Variants in KIAA1671 observed in about 807,000 individuals in gnomAD.
KIAA1671 encodes KIAA1671.
Under a neutral mutation model 131.2 loss-of-function variants are expected in KIAA1671, and 52 were observed. The ratio of observed to expected loss-of-function variants is 0.40; its 90% CI spans 0.32 to 0.50. KIAA1671 has a LOEUF of 0.50. Among genes scored for constraint, KIAA1671 ranks in the 20% least tolerant of loss-of-function variants. The pLI is 0.73. For missense variants in KIAA1671, 2,360 were observed against 2,364.2 expected, an observed-to-expected ratio of 1.00 and a Z score of 0.04; for synonymous variants, 1,003 against 961.6, an observed-to-expected ratio of 1.04 and a Z score of -0.80.
chr22:25,000,492 C>CT lies in KIAA1671; in HGVS notation c.-207-25123dup, dbSNP rs932233451. ...ACAGGCGTGAGCCACCGCGCCCGGCCTTTTTTTTTTTTTTTTTTAAATGTA... is the reference window on the plus strand; with the variant it reads ...ACAGGCGTGAGCCACCGCGCCCGGCCTTTTTTTTTTTTTTTTTTTAAATGTA... On this transcript the variant is annotated intron_variant, in intron 1 of 12. Coordinates refer to ENST00000358431, the MANE Select transcript of KIAA1671 (RefSeq NM_001145206.2). 5.0e-3 allele frequency among the ~76,000 whole-genome samples: 250 copies of CT among 49,650 alleles called. 39 individuals carry two copies. In the East Asian group the frequency reaches 0.066, roughly 13 times the overall value. 32.6% of individuals were successfully genotyped at this position (49,650 alleles called of 152,430 possible).
intron 1 of KIAA1671, among the ~76,000 whole-genome samples, chr22:24,994,397 C>T (rs796482443): frequency 3.9e-5 from 6 of 152,286 alleles, no homozygotes; most frequent in African/African-American, 1.4e-4. Flanking sequence ...TGGGGCTCAG[C>T]TGTGCTGGGG....
At position 25,080,390 on chromosome 22, in the gene KIAA1671, A is replaced by G. The variant is rs114105456; in HGVS notation, c.4530+31026A>G. On this transcript the variant is annotated intron_variant, in intron 6 of 12. Coordinates refer to ENST00000358431, the MANE Select transcript of KIAA1671 (RefSeq NM_001145206.2). ...TGTGAGATTCCTCAGCCCCTTGGAA[A>G]ATCCTCACCATTTCTGAGCTACAGG... Among the ~76,000 whole-genome samples the G allele has an allele frequency of 2.8e-3, 432 of 152,220 alleles. 4 individuals carry two copies. The highest frequency in any genetic ancestry group is 9.7e-3 in the African/African-American group (402 of 41,524).
At chr22:24,997,933 T>C (rs1278399712) in intron 1 of KIAA1671, among the ~76,000 whole-genome samples, 2 of 152,214 alleles carry the variant, frequency 1.3e-5, no homozygotes, top group Non-Finnish European at 2.9e-5. Flanking sequence ...ATATAAATTT[T>C]GCCTGAATTT....
intron 1 of KIAA1671, among the ~76,000 whole-genome samples, chr22:24,985,390 A>C (rs1025033037): frequency 8.0e-5 from 12 of 149,930 alleles, no homozygotes; most frequent in Non-Finnish European, 1.5e-4. Context: ...CCCAGGCTGG[A>C]GTGCAGTGGT....
intron 1 of KIAA1671, among the ~76,000 whole-genome samples, chr22:25,003,400 A>ATTTTTTTTTTTTTT (rs71191013): frequency 1.8e-5 from 2 of 113,844 alleles, no homozygotes; most frequent in African/African-American, 4.2e-5. Flanking sequence ...ACTTGGAGAG[A>ATTTTTTTTTTTTTT]TTTTTTTTTT....
At chr22:25,042,706 C>G (rs1927008137) in intron 5 of KIAA1671, among the ~76,000 whole-genome samples, 1 of 151,940 alleles carries the variant, frequency 6.6e-6, no homozygotes, top group Non-Finnish European at 1.5e-5. Flanking sequence ...AACTCCTGAC[C>G]TCGTGATCCG....
intron 10 of KIAA1671, among the ~76,000 whole-genome samples, chr22:25,182,243 CTGTCTTCCTCCT>C: frequency 6.6e-6 from 1 of 151,684 alleles, no homozygotes; most frequent in Non-Finnish European, 1.5e-5. Context: ...TCCTCCCTCC[CTGTCTTCCTCCT>C]TCCTTTTGTC....
At chr22:24,993,937 C>G (rs532644273) in intron 1 of KIAA1671, among the ~76,000 whole-genome samples, 1 of 151,934 alleles carries the variant, frequency 6.6e-6, no homozygotes, top group Non-Finnish European at 1.5e-5. Flanking sequence ...AAAAATTAGC[C>G]GGGCATGGTA....
rs1926043171 is a variant in KIAA1671, at chr22:25,027,998, C to T, written c.-2C>T. On this transcript the variant is annotated 5_prime_UTR_variant, in exon 3 of 13. Transcript: ENST00000358431. ...AACCCCCATGAATCCACAACCATAACCATGGCCACGCGGGTCGAGGTGGGC... is the reference window on the plus strand; with the variant it reads ...AACCCCCATGAATCCACAACCATAATCATGGCCACGCGGGTCGAGGTGGGC... The T allele has an allele frequency of 2.0e-6, 3 of 1,473,846 alleles. No homozygotes were observed. Among genetic ancestry groups the T allele is most frequent in the East Asian group, 2.5e-5 (1 of 40,104 alleles). The allele number at this position is 1,473,846 out of a possible 1,614,324, so 91.3% of individuals were successfully genotyped here.
intron 1 of KIAA1671, among the ~76,000 whole-genome samples, chr22:24,957,294 G>A (rs1921765139): frequency 6.6e-6 from 1 of 152,144 alleles, no homozygotes; most frequent in Non-Finnish European, 1.5e-5. Context: ...AACAGCACTG[G>A]CAAAGGCATA....
chr22:24,956,648 C>G (rs573236947), intron 1 of KIAA1671, among the ~76,000 whole-genome samples: 1 of 152,062 alleles, frequency 6.6e-6, no homozygotes, highest in Non-Finnish European at 1.5e-5. Flanking sequence ...GGATGGATCA[C>G]GAGATCAGGA....
chr22:25,141,465 C>T (rs959688031), intron 6 of KIAA1671, among the ~76,000 whole-genome samples: 1 of 152,298 alleles, frequency 6.6e-6, no homozygotes, highest in South Asian at 2.1e-4. Flanking sequence ...ATCTCCTGAC[C>T]TCGTGATCCG....
At chr22:25,076,178 C>T (rs1210588465) in intron 6 of KIAA1671, among the ~76,000 whole-genome samples, 2 of 151,986 alleles carry the variant, frequency 1.3e-5, no homozygotes, top group African/African-American at 4.8e-5. Context: ...CTTAATATTC[C>T]TACCTGTTGT....
intron 6 of KIAA1671, among the ~76,000 whole-genome samples, chr22:25,109,706 A>G (rs1931232754): frequency 6.6e-6 from 1 of 152,188 alleles, no homozygotes; most frequent in African/African-American, 2.4e-5. Flanking sequence ...TTACCTCTTG[A>G]TAAATATTAG....
At chr22:25,138,603 C>A (rs913823810) in intron 6 of KIAA1671, among the ~76,000 whole-genome samples, 2 of 152,190 alleles carry the variant, frequency 1.3e-5, no homozygotes, top group Admixed American at 6.5e-5. Context: ...TGAACATTCA[C>A]CTATTCTCAT....
intron 11 of KIAA1671, among the ~76,000 whole-genome samples, chr22:25,188,169 C>T (rs1486921464): frequency 2.0e-5 from 3 of 152,068 alleles, no homozygotes; most frequent in East Asian, 1.9e-4. Flanking sequence ...GATGTGGTGG[C>T]GGGCGCCTGT....
chr22:25,004,148 C>T (rs1286275669), intron 1 of KIAA1671, among the ~76,000 whole-genome samples: 3 of 150,200 alleles, frequency 2.0e-5, no homozygotes. Context: ...CAGGGTTTTA[C>T]TCTGTTGTTC....
intron 6 of KIAA1671, among the ~76,000 whole-genome samples, chr22:25,100,613 C>G (rs1286424143): frequency 6.6e-6 from 1 of 152,222 alleles, no homozygotes; most frequent in Non-Finnish European, 1.5e-5. Context: ...TCCAGAGCCT[C>G]TGTTGTCCCA....
chr22:25,149,876 TTAAAGACTCAA>T (rs1228493299), intron 6 of KIAA1671, among the ~76,000 whole-genome samples: 2 of 152,178 alleles, frequency 1.3e-5, no homozygotes, highest in Non-Finnish European at 2.9e-5. Context: ...TTAGTCTTCA[TTAAAGACTCAA>T]CACAAAAGTC....
Sources: allele counts gnomAD v4.1 joint callset (sites outside exome capture counted in the v4.1 genomes callset), GRCh38; gene constraint gnomAD v4.1.1; transcripts MANE v1.5; gene names NCBI Gene and HGNC (gene_info 2026-07-23, HGNC 2026-07-21).